Variants in QTMAN observed in about 807,000 individuals in gnomAD.
The protein encoded by QTMAN is queuosine-tRNA mannosyltransferase, also known as tRNA-queuosine alpha-mannosyltransferase.
At chr2:144,211,074 G>A in the QTMAN span, 1 of 152,106 alleles carries the variant, frequency 6.6e-6, no homozygotes, top group Non-Finnish European at 1.5e-5. Context: ...TCATCATCTT[G>A]TCCTTTTCCA....
At chr2:144,286,927 G>A in the QTMAN span, among the ~76,000 whole-genome samples, 1 of 152,176 alleles carries the variant, frequency 6.6e-6, no homozygotes, top group Non-Finnish European at 1.5e-5. Context: ...CAACTTAGCT[G>A]AAAGAAGTGA....
the QTMAN span, among the ~76,000 whole-genome samples, chr2:143,959,376 A>T: frequency 6.6e-6 from 1 of 152,088 alleles, no homozygotes; most frequent in African/African-American, 2.4e-5. Context: ...GGGAAGAAAG[A>T]TAATAAAACC....
At chr2:144,280,659 T>C in the QTMAN span, among the ~76,000 whole-genome samples, 13 of 151,806 alleles carry the variant, frequency 8.6e-5, no homozygotes, top group Non-Finnish European at 1.5e-4. Context: ...ACTGGAAAAA[T>C]GTATTTCGCC....
At chr2:144,247,325 C>T in the QTMAN span, among the ~76,000 whole-genome samples, 1 of 152,038 alleles carries the variant, frequency 6.6e-6, no homozygotes, top group Non-Finnish European at 1.5e-5. Flanking sequence ...GGACAAAAAG[C>T]AAAGCAAATG....
the QTMAN span, among the ~76,000 whole-genome samples, chr2:144,034,079 C>T: frequency 6.6e-6 from 1 of 152,084 alleles, no homozygotes; most frequent in Non-Finnish European, 1.5e-5. Context: ...GTTCTCTGTT[C>T]GAGGAGAACC....
At chr2:144,267,487 G>T in the QTMAN span, among the ~76,000 whole-genome samples, 1 of 152,198 alleles carries the variant, frequency 6.6e-6, no homozygotes, top group African/African-American at 2.4e-5. Flanking sequence ...CTTCACGAGT[G>T]CAGTTCCAGT....
the QTMAN span, among the ~76,000 whole-genome samples, chr2:144,192,871 C>T: frequency 6.6e-6 from 1 of 152,280 alleles, no homozygotes; most frequent in East Asian, 1.9e-4. Flanking sequence ...TACATTAGAA[C>T]ATTTATTTTC....
the QTMAN span, among the ~76,000 whole-genome samples, chr2:144,137,975 G>A: frequency 6.6e-6 from 1 of 152,036 alleles, no homozygotes; most frequent in Non-Finnish European, 1.5e-5. Context: ...TGTTCCACAG[G>A]ATAATTATCT....
At chr2:144,228,672 T>C in the QTMAN span, among the ~76,000 whole-genome samples, 3 of 152,230 alleles carry the variant, frequency 2.0e-5, no homozygotes, top group Non-Finnish European at 2.9e-5. Flanking sequence ...TAAGAATAAA[T>C]GAAAGGCCAG....
the QTMAN span, among the ~76,000 whole-genome samples, chr2:144,276,524 C>G: frequency 3.3e-5 from 5 of 152,168 alleles, no homozygotes; most frequent in African/African-American, 1.2e-4. Flanking sequence ...TCCTCTTACA[C>G]GTCAGACCTA....
the QTMAN span, chr2:144,210,909 G>A: frequency 1.3e-5 from 2 of 152,104 alleles, no homozygotes; most frequent in Admixed American, 1.3e-4. Flanking sequence ...TATATGCCCT[G>A]TATGTACTTA....
At chr2:144,212,792 G>A in the QTMAN span, among the ~76,000 whole-genome samples, 1 of 152,080 alleles carries the variant, frequency 6.6e-6, no homozygotes, top group Admixed American at 6.6e-5. Context: ...CCAGATGAAT[G>A]AAAACCTACT....
At chr2:144,040,560 C>G in the QTMAN span, among the ~76,000 whole-genome samples, 9 of 151,868 alleles carry the variant, frequency 5.9e-5, no homozygotes, top group African/African-American at 2.2e-4. Flanking sequence ...CGCTAAGACC[C>G]TAAAAGTTCA....
the QTMAN span, among the ~76,000 whole-genome samples, chr2:144,022,063 G>A: frequency 6.6e-6 from 1 of 152,008 alleles, no homozygotes; most frequent in South Asian, 2.1e-4. Flanking sequence ...AGAAGATTTT[G>A]CTTTTTATTA....
At chr2:143,970,560 T>G in the QTMAN span, 1 of 768,618 alleles carries the variant, frequency 1.3e-6, no homozygotes, top group Non-Finnish European at 2.3e-6. Flanking sequence ...TCATCTTGAT[T>G]ATTCTAACAA....
the QTMAN span, among the ~76,000 whole-genome samples, chr2:143,960,923 G>T: frequency 2.6e-5 from 4 of 152,082 alleles, no homozygotes; most frequent in African/African-American, 7.2e-5. Flanking sequence ...CCCCTTGCGG[G>T]TGGGAATTTT....
chr2:144,132,816 G>T, the QTMAN span, among the ~76,000 whole-genome samples: 1 of 151,652 alleles, frequency 6.6e-6, no homozygotes, highest in East Asian at 1.9e-4. Context: ...GATAATGAAA[G>T]TACTAATAAA....
the QTMAN span, among the ~76,000 whole-genome samples, chr2:144,037,908 A>G: frequency 2.0e-5 from 3 of 152,242 alleles, no homozygotes; most frequent in African/African-American, 7.2e-5. Context: ...TATAGGAGAA[A>G]AATAATTCCT....
At chr2:144,202,700 A>G in the QTMAN span, among the ~76,000 whole-genome samples, 1 of 152,200 alleles carries the variant, frequency 6.6e-6, no homozygotes. Flanking sequence ...ATAAACATCC[A>G]GCTTGTCTTT....
Sources: gnomAD v4.1 joint callset for allele counts (sites outside exome capture counted in the v4.1 genomes callset) on GRCh38, gnomAD v4.1.1 for gene constraint, MANE v1.5 for transcripts, NCBI Gene and HGNC (gene_info 2026-07-23, HGNC 2026-07-21) for gene names.